Variants in LRRC7 observed in about 807,000 individuals in gnomAD.
The protein encoded by LRRC7 is leucine-rich repeat-containing protein 7.
In LRRC7, 23 loss-of-function variants were observed where a neutral mutation model predicts 175.7. That is an observed-to-expected ratio of 0.13 (90% CI 0.09 to 0.19). The LOEUF is 0.19. LRRC7 is among the 10% of genes least tolerant of loss of function. The probability of loss-of-function intolerance (pLI) is 1.00; values close to 1 mark genes in which losing one functional copy is unlikely to be tolerated. For missense variants in LRRC7, 1,354 were observed against 1,904.7 expected (o/e 0.71, Z 5.38); for synonymous variants, 685 against 680.9 (o/e 1.01, Z -0.09).
intron 3 of LRRC7, among the ~76,000 whole-genome samples, chr1:69,760,807 G>A (rs917019653): frequency 6.6e-6 from 1 of 152,026 alleles, no homozygotes; most frequent in Non-Finnish European, 1.5e-5. Flanking sequence ...GTAAGTCTAA[G>A]AAATGCTTTT....
chr1:70,093,561 C>A lies in LRRC7; in HGVS notation c.4545+3742C>A, dbSNP rs1664180191. ...AGAAGAGCCACATGACAAATTTATACCCTGTAGAGTTGAGACTAATATGAT... is the reference window on the plus strand; with the variant it reads ...AGAAGAGCCACATGACAAATTTATAACCTGTAGAGTTGAGACTAATATGAT... On this transcript the variant is annotated intron_variant, in intron 25 of 26. Transcript: ENST00000651989. Among the ~76,000 whole-genome samples the A allele has an allele frequency of 2.0e-5, 3 of 152,014 alleles. No individual in the cohort carries two copies. In the South Asian group the frequency reaches 6.2e-4, roughly 31 times the overall value.
At position 69,860,112 on chromosome 1, in the gene LRRC7, T is replaced by C. The variant is rs140796797; in HGVS notation, c.647+21829T>C. Among the ~76,000 whole-genome samples the C allele has an allele frequency of 4.1e-3, 618 of 152,150 alleles. 5 individuals carry two copies. The highest frequency in any genetic ancestry group is 0.014 in the African/African-American group (562 of 41,572). ...AATACTCTCATCAGGGTTTTTGTTT[T>C]TATTTGTTGTTTTTTAAACTTTTAA... is the stretch of plus-strand genomic sequence containing the variant. On this transcript the variant is annotated intron_variant, in intron 7 of 26. Coordinates refer to ENST00000651989, the MANE Select transcript of LRRC7 (RefSeq NM_001370785.2).
intron 8 of LRRC7, among the ~76,000 whole-genome samples, chr1:69,975,331 C>T (rs1314086143): frequency 6.6e-6 from 1 of 152,144 alleles, no homozygotes; most frequent in Non-Finnish European, 1.5e-5. Context: ...GTACCTTAGC[C>T]AACTCTCCCC....
At chr1:69,819,007 T>A (rs917480553) in intron 4 of LRRC7, among the ~76,000 whole-genome samples, 2 of 151,666 alleles carry the variant, frequency 1.3e-5, no homozygotes, top group African/African-American at 4.9e-5. Context: ...AGCTAAAGGC[T>A]TGTCAATTTT....
chr1:69,987,631 A>C (rs907941625), intron 10 of LRRC7, among the ~76,000 whole-genome samples: 1 of 152,192 alleles, frequency 6.6e-6, no homozygotes, highest in South Asian at 2.1e-4. Flanking sequence ...AATCATTATT[A>C]AGTTCCAGAA....
At chr1:69,631,902 T>C (rs1211055265) in intron 1 of LRRC7, among the ~76,000 whole-genome samples, 1 of 152,120 alleles carries the variant, frequency 6.6e-6, no homozygotes, top group Non-Finnish European at 1.5e-5. Context: ...AATCTGATCA[T>C]GTCTGTTTCC....
chr1:69,929,007 A>C (rs1214989526), intron 7 of LRRC7, among the ~76,000 whole-genome samples: 1 of 151,508 alleles, frequency 6.6e-6, no homozygotes. Context: ...CATTCTTCTT[A>C]TTTTTTCTCC....
chr1:69,679,610 G>T (rs11209517), intron 2 of LRRC7, among the ~76,000 whole-genome samples: 31,837 of 151,854 alleles, frequency 0.21, 3,499 homozygotes, highest in South Asian at 0.29. Flanking sequence ...AGAGTTCATG[G>T]GCATTTATAA....
chr1:69,632,487 A>T (rs1318217127), intron 1 of LRRC7, among the ~76,000 whole-genome samples: 1 of 152,154 alleles, frequency 6.6e-6, no homozygotes, highest in Non-Finnish European at 1.5e-5. Flanking sequence ...AATTAGAGAG[A>T]TAAAGCCCAC....
At chr1:70,088,135 T>C (rs1663750812) in intron 24 of LRRC7, among the ~76,000 whole-genome samples, 1 of 152,242 alleles carries the variant, frequency 6.6e-6, no homozygotes, top group Non-Finnish European at 1.5e-5. Flanking sequence ...TCTTCCAGTA[T>C]GTAGCTATGT....
intron 24 of LRRC7, among the ~76,000 whole-genome samples, chr1:70,081,135 C>CA (rs1234861497): frequency 6.6e-6 from 1 of 152,180 alleles, no homozygotes; most frequent in East Asian, 1.9e-4. Flanking sequence ...GAAAACTCCC[C>CA]AAGGTGATTC....
chr1:69,727,618 T>A (rs912685644), intron 2 of LRRC7, among the ~76,000 whole-genome samples: 2 of 152,214 alleles, frequency 1.3e-5, no homozygotes, highest in Non-Finnish European at 2.9e-5. Flanking sequence ...AATTGCTTTT[T>A]CTAGATCAAT....
chr1:69,847,920 C>T (rs1168103827), intron 7 of LRRC7, among the ~76,000 whole-genome samples: 1 of 152,122 alleles, frequency 6.6e-6, no homozygotes, highest in Non-Finnish European at 1.5e-5. Flanking sequence ...ATTGTCATAG[C>T]TTGAAGTCAA....
At chr1:69,988,333 G>T (rs1427464466) in intron 10 of LRRC7, among the ~76,000 whole-genome samples, 1 of 151,996 alleles carries the variant, frequency 6.6e-6, no homozygotes, top group African/African-American at 2.4e-5. Flanking sequence ...TACTCAAAAG[G>T]TTGAGACAAG....
At chr1:70,010,943 A>G (rs1656447175) in intron 11 of LRRC7, among the ~76,000 whole-genome samples, 1 of 152,228 alleles carries the variant, frequency 6.6e-6, no homozygotes, top group Admixed American at 6.5e-5. Context: ...AATTATGCCC[A>G]TTTGAAGGCA....
rs1353717139 is a variant in LRRC7, at chr1:69,870,164, AG to A, written c.647+31885del. On this transcript the variant is annotated intron_variant, in intron 7 of 26. Coordinates refer to ENST00000651989, the MANE Select transcript of LRRC7 (RefSeq NM_001370785.2). ...AGTAAGATAGACTGCCCTTTTCAGC[AG>A]GGGAGAAGGTTTAGTACATTGCCTA... 3.3e-5 allele frequency among the ~76,000 whole-genome samples: 5 copies of A among 152,086 alleles called. No individual in the cohort carries two copies. The East Asian group carries it at 7.7e-4, about 23-fold the overall frequency.
chr1:69,783,753 CAAA>C (rs10712087), intron 3 of LRRC7, among the ~76,000 whole-genome samples: 20 of 84,730 alleles, frequency 2.4e-4, no homozygotes, highest in South Asian at 6.2e-4. Flanking sequence ...CTCCCCATCT[CAAA>C]AAAAAAAAAA....
intron 11 of LRRC7, among the ~76,000 whole-genome samples, chr1:70,004,722 T>TC (rs1295285424): frequency 1.3e-5 from 2 of 151,334 alleles, no homozygotes; most frequent in Non-Finnish European, 2.9e-5. Flanking sequence ...TCTCTCTCTC[T>TC]CCCCCCGGCT....
intron 2 of LRRC7, among the ~76,000 whole-genome samples, chr1:69,697,579 C>A (rs547112679): frequency 6.6e-6 from 1 of 152,226 alleles, no homozygotes; most frequent in African/African-American, 2.4e-5. Flanking sequence ...AGTATCTACT[C>A]AGGCCAGCAG....
Sources: allele counts gnomAD v4.1 joint callset (sites outside exome capture counted in the v4.1 genomes callset), GRCh38; gene constraint gnomAD v4.1.1; transcripts MANE v1.5; gene names NCBI Gene and HGNC (gene_info 2026-07-23, HGNC 2026-07-21).